The following FLT3 variants were observed in gnomAD, a reference collection of about 807,000 sequenced individuals.
The protein encoded by FLT3 is fms related receptor tyrosine kinase 3.
FLT3 carries 46 observed loss-of-function variants against 126.6 expected under a neutral mutation model. That is an observed-to-expected ratio of 0.36 (90% CI 0.29 to 0.46). The LOEUF is 0.46. Among genes scored for constraint, FLT3 ranks in the 20% least tolerant of loss-of-function variants. The probability of loss-of-function intolerance (pLI) is 1.00; values close to 1 mark genes in which losing one functional copy is unlikely to be tolerated. For missense variants in FLT3, 1,069 were observed against 1,190.3 expected (o/e 0.90, Z 1.50); for synonymous variants, 404 against 434.4 (o/e 0.93, Z 0.87).
At chr13:28,024,277 G>A (rs551494482) in intron 18 of FLT3, among the ~76,000 whole-genome samples, 4 of 151,900 alleles carry the variant, frequency 2.6e-5, no homozygotes, top group African/African-American at 9.7e-5. Flanking sequence ...GATTGCAGGC[G>A]TGCACCACCA....
chr13:28,004,277 T>C (rs1593200706), intron 23 of FLT3, 103 bp from the exon 24 acceptor site: 19 of 1,209,928 alleles, frequency 1.6e-5, no homozygotes, highest in Non-Finnish European at 2.2e-5. Context: ...TTGTTCTATA[T>C]AGACAATTAC....
chr13:28,043,720 C>T (rs777286579), intron 9 of FLT3, among the ~76,000 whole-genome samples: 10 of 152,294 alleles, frequency 6.6e-5, no homozygotes, highest in African/African-American at 1.4e-4. Flanking sequence ...CAGTGGCACA[C>T]GCCAAGTTGC....
chr13:28,022,195 C>T (rs1872454671), intron 19 of FLT3, among the ~76,000 whole-genome samples: 1 of 151,998 alleles, frequency 6.6e-6, no homozygotes, highest in Admixed American at 6.6e-5. Flanking sequence ...ACACCATGAA[C>T]ATCTGGCTGA....
chr13:28,056,559 C>T (rs1014250359), intron 4 of FLT3, among the ~76,000 whole-genome samples: 1 of 152,160 alleles, frequency 6.6e-6, no homozygotes, highest in African/African-American at 2.4e-5. Flanking sequence ...AGCACGGAGT[C>T]TGTGCATGAT....
At chr13:28,010,966 G>C (rs1268749832) in intron 23 of FLT3, among the ~76,000 whole-genome samples, 2 of 151,624 alleles carry the variant, frequency 1.3e-5, no homozygotes, top group Non-Finnish European at 2.9e-5. Context: ...TCACGCCACT[G>C]CACTCCAGCC....
intron 1 of FLT3, among the ~76,000 whole-genome samples, chr13:28,087,334 C>T (rs1285923098): frequency 2.0e-5 from 3 of 152,124 alleles, no homozygotes; most frequent in Admixed American, 6.6e-5. Flanking sequence ...CCTCCCAAAG[C>T]GTCCTTCAGT....
rs759369573 is a variant in FLT3, at chr13:28,024,942, T to A, written c.2209A>T (p.Met737Leu). Reference sequence around the variant, plus strand: ...ATCTGAACTTCTCTTGAACCAGGCATGCTATTAAAAAATTTTGTTTTTTCA... The same window carrying A: ...ATCTGAACTTCTCTTGAACCAGGCAAGCTATTAAAAAATTTTGTTTTTTCA... ...PTFQSHPNSS[M>L]PGSREVQIHP... Residue 737 changes from methionine (M) to leucine (L), a missense_variant and splice_region_variant, in exon 18 of 24, where the codon ATG becomes TTG. Transcript: ENST00000241453. The A allele has an allele frequency of 3.7e-6, 6 of 1,602,574 alleles. No homozygotes were observed. Among genetic ancestry groups the A allele is most frequent in the Non-Finnish European group, 5.1e-6 (6 of 1,174,606 alleles).
chr13:28,025,408 T>G (rs1456757453), intron 17 of FLT3: 1 of 454,416 alleles, frequency 2.2e-6, no homozygotes. Context: ...AAAGCTCATT[T>G]CTTTTTACTG....
chr13:28,015,037 T>TA (rs1871715213), intron 22 of FLT3, 120 bp downstream of exon 22: 4 of 642,496 alleles, frequency 6.2e-6, no homozygotes, highest in Admixed American at 3.0e-5. Flanking sequence ...TTCTATTTTT[T>TA]AAAAAAAGAA....
At position 28,036,851 on chromosome 13, in the gene FLT3, G is replaced by A. The variant is rs867027842; in HGVS notation, c.1309+334C>T. ...TAAAATTAGCTGAGCATGGTGGCGC[G>A]TGCCTGTAGTCCCAGCTACTCGGGA... is the stretch of plus-strand genomic sequence containing the variant. On this transcript the variant is annotated intron_variant, in intron 10 of 23. Coordinates refer to ENST00000241453, the MANE Select transcript of FLT3 (RefSeq NM_004119.3). Among the ~76,000 whole-genome samples the A allele has an allele frequency of 8.5e-5, 13 of 152,262 alleles. No individual in the cohort carries two copies. The East Asian group carries it at 1.5e-3, about 18-fold the overall frequency.
intron 2 of FLT3, among the ~76,000 whole-genome samples, chr13:28,069,174 T>C (rs997576103): frequency 6.6e-6 from 1 of 151,854 alleles, no homozygotes; most frequent in Non-Finnish European, 1.5e-5. Context: ...ACCTCTGAGA[T>C]GAATTGTAGC....
Position 28,100,399 on chromosome 13 carries a change from C to CTCCACACTG in FLT3, c.43+68_43+69insCAGTGTGGA. The CTCCACACTG allele has an allele frequency of 9.0e-7, 1 of 1,111,494 alleles. No homozygotes were observed. Among genetic ancestry groups the CTCCACACTG allele is most frequent in the East Asian group, 3.4e-5 (1 of 29,816 alleles). 68.9% of individuals were successfully genotyped at this position (1,111,494 alleles called of 1,614,324 possible). On this transcript the variant is annotated intron_variant, in intron 1 of 23. Transcript: ENST00000241453. The surrounding 1 kb of genome is among the most constrained non-coding windows in gnomAD (Gnocchi z 4.8). ...CGGCTGGGCCGGAGGAGGCGCGCGC[C>CTCCACACTG]CGGGTCCACACTGCGGGGTGGGGGC...
intron 16 of FLT3, 151 bp downstream of exon 16, chr13:28,028,027 G>C (rs538296870): frequency 1.7e-6 from 1 of 597,808 alleles, no homozygotes; most frequent in African/African-American, 1.9e-5. Context: ...AGAGTGCTCA[G>C]TGTCTAATTC....
In FLT3 at chr13:28,003,922, A is replaced by C; in HGVS notation, c.*130T>G. 5.7e-6 allele frequency: 6 copies of C among 1,049,846 alleles called. No homozygotes were observed. Among genetic ancestry groups the C allele is most frequent in the Non-Finnish European group, 8.5e-6 (6 of 709,168 alleles). 65.0% of individuals were successfully genotyped at this position (1,049,846 alleles called of 1,614,324 possible). ...ACAAGAGTAAACGCAGACAGCTTCTAGAGAAAAGTCTGGTGAAGCAGCAGT... is the reference window on the plus strand; with the variant it reads ...ACAAGAGTAAACGCAGACAGCTTCTCGAGAAAAGTCTGGTGAAGCAGCAGT... On this transcript the variant is annotated 3_prime_UTR_variant, in exon 24 of 24. Transcript: ENST00000241453.
intron 1 of FLT3, among the ~76,000 whole-genome samples, chr13:28,077,782 C>A (rs1460540458): frequency 1.3e-5 from 2 of 152,144 alleles, no homozygotes; most frequent in Non-Finnish European, 2.9e-5. Context: ...CACCTATGAG[C>A]CTGTAAAATC....
intron 15 of FLT3, 85 bp from the exon 16 acceptor site, chr13:28,028,373 A>G (rs1873003225): frequency 7.0e-6 from 5 of 713,980 alleles, no homozygotes; most frequent in Middle Eastern, 3.6e-4. Flanking sequence ...CTCAGCTCAG[A>G]GTCAATCTGC....
At chr13:28,039,858 T>A (rs1350075321) in intron 9 of FLT3, among the ~76,000 whole-genome samples, 1 of 152,016 alleles carries the variant, frequency 6.6e-6, no homozygotes, top group East Asian at 1.9e-4. Flanking sequence ...TTAATTTTAT[T>A]TTATGTAATT....
intron 2 of FLT3, among the ~76,000 whole-genome samples, chr13:28,063,173 G>C (rs1352635902): frequency 6.6e-6 from 1 of 152,094 alleles, no homozygotes; most frequent in Non-Finnish European, 1.5e-5. Context: ...CTTCTTGCCT[G>C]CTTTAAATAA....
At chr13:28,051,525 CT>C in intron 5 of FLT3, among the ~76,000 whole-genome samples, 1 of 149,188 alleles carries the variant, frequency 6.7e-6, no homozygotes, top group Middle Eastern at 3.6e-3. Flanking sequence ...GTGTGAGCCA[CT>C]GTGCCCAGCC....
Sources: gnomAD v4.1 joint callset for allele counts (sites outside exome capture counted in the v4.1 genomes callset) on GRCh38, gnomAD v4.1.1 for gene constraint, Gnocchi (gnomAD v3.1) non-coding constraint, MANE v1.5 for transcripts, NCBI Gene and HGNC (gene_info 2026-07-23, HGNC 2026-07-21) for gene names.